SPATA9: variants seen among roughly 807,000 people sequenced by gnomAD.
SPATA9 encodes the protein spermatogenesis-associated protein 9.
In SPATA9, 27 loss-of-function variants were observed where a neutral mutation model predicts 25.5. The ratio of observed to expected loss-of-function variants is 1.06; its 90% CI spans 0.78 to 1.46. The LOEUF is 1.46. SPATA9 is among the 40% of genes most tolerant of loss of function. SPATA9 has a pLI of 0.00. For synonymous variants in SPATA9, 102 were observed against 105.7 expected, an observed-to-expected ratio of 0.97 and a Z score of 0.21; for missense variants, 282 against 297.5, an observed-to-expected ratio of 0.95 and a Z score of 0.38.
the SPATA9 span, among the ~76,000 whole-genome samples, chr5:95,722,630 C>T: frequency 2.6e-4 from 40 of 152,326 alleles, no homozygotes; most frequent in South Asian, 8.3e-3. Context: ...GCTGGGACTA[C>T]AGGCTCCCGC....
the SPATA9 span, chr5:95,731,700 C>T: frequency 2.5e-6 from 4 of 1,613,182 alleles, no homozygotes; most frequent in Admixed American, 1.7e-5. Context: ...TACGCGCCGC[C>T]GTCCTGCCAT....
Position 95,658,621 on chromosome 5 carries a change from A to T in SPATA9, c.*2T>A. On this transcript the variant is annotated 3_prime_UTR_variant, in exon 5 of 5. Coordinates refer to ENST00000274432, the MANE Select transcript of SPATA9 (RefSeq NM_031952.4). ...TTAAGTTCTGTTCAGTGATACCTGT[A>T]TTCAGATTTGCTCATTCATTTCAGC... 2 of 1,611,294 alleles carry T rather than the reference A, an allele frequency of 1.2e-6. No individual in the cohort carries two copies.
At chr5:95,713,897 C>T in the SPATA9 span, among the ~76,000 whole-genome samples, 1 of 151,852 alleles carries the variant, frequency 6.6e-6, no homozygotes, top group African/African-American at 2.4e-5. Flanking sequence ...GTTTTATATG[C>T]ACACAAATAC....
At chr5:95,711,677 C>T in the SPATA9 span, among the ~76,000 whole-genome samples, 1 of 152,132 alleles carries the variant, frequency 6.6e-6, no homozygotes, top group Admixed American at 6.5e-5. Context: ...GAGGGAGACT[C>T]TCCTCTTCTT....
At chr5:95,673,533 C>CTTT (rs1477793846) in intron 3 of SPATA9, among the ~76,000 whole-genome samples, 3 of 152,076 alleles carry the variant, frequency 2.0e-5, no homozygotes, top group Non-Finnish European at 4.4e-5. Context: ...TGACCTGTGT[C>CTTT]TTTAAAGATT....
rs1753588948 is a variant in SPATA9 at position 95,682,941 on chromosome 5, G to A, written c.-87C>T. On this transcript the variant is annotated 5_prime_UTR_variant, in exon 1 of 5. Coordinates refer to ENST00000274432, the MANE Select transcript of SPATA9 (RefSeq NM_031952.4). ...CTAGTCTGCCATTAGTGAAAGATGA[G>A]GGTAGCCTTCCACTTGGGAAAGCCA... 2 of 1,402,946 alleles carry A rather than the reference G, an allele frequency of 1.4e-6. No homozygotes were observed. Among genetic ancestry groups the A allele is most frequent in the Middle Eastern group, 1.9e-4 (1 of 5,272 alleles). The allele number at this position is 1,402,946 out of a possible 1,614,324, so 86.9% of individuals were successfully genotyped here.
At chr5:95,710,605 C>G in the SPATA9 span, among the ~76,000 whole-genome samples, 11 of 152,138 alleles carry the variant, frequency 7.2e-5, no homozygotes, top group African/African-American at 2.7e-4. Flanking sequence ...TTTAGCAACT[C>G]CCTGGCTTTC....
the SPATA9 span, among the ~76,000 whole-genome samples, chr5:95,720,255 C>T: frequency 2.6e-5 from 4 of 152,198 alleles, no homozygotes; most frequent in East Asian, 7.7e-4. Flanking sequence ...CTGAGGCCAG[C>T]CTGAGCAGCC....
chr5:95,696,021 C>A (rs1019992968), intron 1 of SPATA9, among the ~76,000 whole-genome samples: 1 of 152,228 alleles, frequency 6.6e-6, no homozygotes, highest in Admixed American at 6.5e-5. Context: ...GAACCAATGT[C>A]TCTGGCCAAC....
chr5:95,687,583 T>C (rs1187541770), upstream of SPATA9, among the ~76,000 whole-genome samples: 1 of 152,250 alleles, frequency 6.6e-6, no homozygotes, highest in African/African-American at 2.4e-5. Flanking sequence ...TGATTCTTCT[T>C]AAAAATTCTT....
chr5:95,717,409 A>G, the SPATA9 span: 1 of 152,162 alleles, frequency 6.6e-6, no homozygotes, highest in African/African-American at 2.4e-5. Context: ...ATATGTGTGC[A>G]TATGTGTGTG....
downstream of SPATA9, chr5:95,656,159 C>CA (rs1750745424): frequency 6.2e-7 from 1 of 1,613,858 alleles, no homozygotes; most frequent in East Asian, 2.2e-5. Context: ...CAGCAAAACC[C>CA]AAGTGGTGCT....
chr5:95,720,526 G>C, the SPATA9 span, among the ~76,000 whole-genome samples: 1 of 152,182 alleles, frequency 6.6e-6, no homozygotes, highest in African/African-American at 2.4e-5. Flanking sequence ...ATTTGTGCCT[G>C]TTTGTGGGTG....
intron 1 of SPATA9, among the ~76,000 whole-genome samples, chr5:95,694,593 G>A (rs1256749202): frequency 6.6e-6 from 1 of 152,164 alleles, no homozygotes; most frequent in Non-Finnish European, 1.5e-5. Context: ...GCCCAGACAT[G>A]ACATAATTCA....
intron 1 of SPATA9, among the ~76,000 whole-genome samples, chr5:95,694,146 C>G (rs73149668): frequency 6.6e-6 from 1 of 151,888 alleles, no homozygotes. Flanking sequence ...GGAAAGAGAG[C>G]AAGACCTAGT....
chr5:95,691,541 A>G (rs984783274), intron 1 of SPATA9, among the ~76,000 whole-genome samples: 2 of 151,588 alleles, frequency 1.3e-5, no homozygotes, highest in Non-Finnish European at 2.9e-5. Flanking sequence ...CAAGATTCTC[A>G]CTCTTTCATT....
upstream of SPATA9, among the ~76,000 whole-genome samples, chr5:95,700,946 G>A (rs1265035874): frequency 6.6e-6 from 1 of 152,024 alleles, no homozygotes. Flanking sequence ...ACTTAGATGA[G>A]GTGAAGAATC....
At chr5:95,689,115 A>C (rs1256491435) in intron 1 of SPATA9, among the ~76,000 whole-genome samples, 1 of 152,236 alleles carries the variant, frequency 6.6e-6, no homozygotes, top group Non-Finnish European at 1.5e-5. Flanking sequence ...GTAACCCGTT[A>C]TAGTGAATAC....
In SPATA9 at chr5:95,675,557, C is replaced by A; in HGVS notation, c.233G>T (p.Gly78Val). Residue 78 changes from glycine to valine, a missense_variant, in exon 3 of 5, where the codon GGA (glycine) becomes GTA (valine). Coordinates refer to ENST00000274432, the MANE Select transcript of SPATA9 (RefSeq NM_031952.4). ...GGAGGATCTGGATATGCTGTTTAAT[C>A]CACGAATTAATGTTGCTCGATTAAT... ...AKINRATLIR[G>V]LNSISRSSKS... The A allele has an allele frequency of 1.2e-6, 2 of 1,614,108 alleles. No individual in the cohort carries two copies. The highest frequency in any genetic ancestry group is 1.7e-6 in the Non-Finnish European group (2 of 1,180,008).
Sources: gnomAD v4.1 joint callset for allele counts (sites outside exome capture counted in the v4.1 genomes callset) on GRCh38, gnomAD v4.1.1 for gene constraint, MANE v1.5 for transcripts, NCBI Gene and HGNC (gene_info 2026-07-23, HGNC 2026-07-21) for gene names.